PRKAR1A: variants seen among roughly 807,000 people sequenced by gnomAD.
PRKAR1A encodes the protein protein kinase cAMP-dependent type I regulatory subunit alpha, also known as cAMP-dependent protein kinase type I-alpha regulatory subunit.
Under a neutral mutation model 52.0 loss-of-function variants are expected in PRKAR1A, and 3 were observed. The observed-to-expected ratio is 0.06, with a 90% CI of 0.03 to 0.15. The LOEUF (loss-of-function observed/expected upper bound fraction) is 0.15, where lower values mean the gene tolerates loss of function less well. Among genes scored for constraint, PRKAR1A ranks in the 10% least tolerant of loss-of-function variants. PRKAR1A has a pLI of 1.00. For missense variants in PRKAR1A, 240 were observed against 477.4 expected (o/e 0.50, Z 4.63); for synonymous variants, 188 against 168.4 (o/e 1.12, Z -0.90).
chr17:68,548,328 G>A (rs151277877), intron 11 of PRKAR1A, among the ~76,000 whole-genome samples: 5,391 of 152,170 alleles, frequency 0.035, 335 homozygotes, highest in African/African-American at 0.12. Context: ...TCGAGAGTTC[G>A]AGACCAGCCT....
intron 11 of PRKAR1A, among the ~76,000 whole-genome samples, chr17:68,546,613 G>A (rs748352860): frequency 1.3e-5 from 2 of 151,966 alleles, no homozygotes; most frequent in African/African-American, 4.8e-5. Flanking sequence ...GGCGGATCAC[G>A]AGGTCAGGAG....
chr17:68,428,593 G>C, the PRKAR1A span: 1 of 454,772 alleles, frequency 2.2e-6, no homozygotes, highest in South Asian at 2.2e-5. Flanking sequence ...CATAGGCTGA[G>C]GGGGAGACCA....
At chr17:68,437,983 G>A in the PRKAR1A span, among the ~76,000 whole-genome samples, 8 of 107,028 alleles carry the variant, frequency 7.5e-5, no homozygotes, top group Non-Finnish European at 1.5e-4. Context: ...AGTGACTGGC[G>A]TCTATTACAA....
chr17:68,453,479 CTT>C, the PRKAR1A span, among the ~76,000 whole-genome samples: 22 of 136,136 alleles, frequency 1.6e-4, no homozygotes, highest in Admixed American at 2.9e-4. Context: ...TTTTCTTTTC[CTT>C]TTTTTTTTTT....
At chr17:68,430,521 T>C in the PRKAR1A span, among the ~76,000 whole-genome samples, 4 of 152,124 alleles carry the variant, frequency 2.6e-5, no homozygotes, top group Non-Finnish European at 5.9e-5. Flanking sequence ...TTAAATAAGC[T>C]TGGGACTGTG....
chr17:68,449,992 T>C, the PRKAR1A span, among the ~76,000 whole-genome samples: 9 of 152,028 alleles, frequency 5.9e-5, no homozygotes, highest in East Asian at 1.5e-3. Context: ...GCCTGGGCAA[T>C]AGGGCAAGAC....
the PRKAR1A span, among the ~76,000 whole-genome samples, chr17:68,419,941 GA>G: frequency 6.6e-6 from 1 of 152,052 alleles, no homozygotes; most frequent in African/African-American, 2.4e-5. Context: ...CCTGGGCAAC[GA>G]AGCCAGACCC....
upstream of PRKAR1A, among the ~76,000 whole-genome samples, chr17:68,507,865 T>C (rs1371709092): frequency 6.6e-6 from 1 of 152,254 alleles, no homozygotes; most frequent in Non-Finnish European, 1.5e-5. Context: ...ATATCTGGAC[T>C]TCACTGAATA....
chr17:68,514,760 A>G (rs2085376516), intron 1 of PRKAR1A: 1 of 152,450 alleles, frequency 6.6e-6, no homozygotes, highest in Non-Finnish European at 1.5e-5. Flanking sequence ...CTAGTGTATT[A>G]TCATTTAGGG....
the PRKAR1A span, among the ~76,000 whole-genome samples, chr17:68,470,150 T>G: frequency 6.6e-6 from 1 of 151,498 alleles, no homozygotes; most frequent in African/African-American, 2.4e-5. Flanking sequence ...TTGCGTGACC[T>G]CGGCTCACTG....
At chr17:68,506,241 A>G in the PRKAR1A span, among the ~76,000 whole-genome samples, 2 of 150,320 alleles carry the variant, frequency 1.3e-5, no homozygotes, top group Admixed American at 1.3e-4. Context: ...TCCTTAGGCC[A>G]TCTTGAAAAA....
chr17:68,465,831 G>A, the PRKAR1A span, among the ~76,000 whole-genome samples: 1 of 151,918 alleles, frequency 6.6e-6, no homozygotes, highest in African/African-American at 2.4e-5. Flanking sequence ...AAGCAGACTT[G>A]CATCTTAGAA....
At chr17:68,435,099 C>G in the PRKAR1A span, among the ~76,000 whole-genome samples, 1 of 151,506 alleles carries the variant, frequency 6.6e-6, no homozygotes, top group Non-Finnish European at 1.5e-5. Flanking sequence ...CTCAGCTACT[C>G]GGGAGGCTGA....
the PRKAR1A span, chr17:68,428,761 C>T: frequency 1.6e-6 from 2 of 1,265,370 alleles, no homozygotes; most frequent in Non-Finnish European, 2.3e-6. Context: ...GCTTGTCGTT[C>T]TTGGCGAAGG....
chr17:68,547,887 T>G (rs558261334), intron 11 of PRKAR1A, among the ~76,000 whole-genome samples: 32 of 152,386 alleles, frequency 2.1e-4, no homozygotes, highest in South Asian at 1.2e-3. Context: ...TTTTGGCTTA[T>G]TGGCTTTCAA....
At chr17:68,424,489 A>C in the PRKAR1A span, 1 of 534,708 alleles carries the variant, frequency 1.9e-6, no homozygotes, top group Admixed American at 1.9e-5. Context: ...GATCAGGAGA[A>C]GTTTCCATAA....
At chr17:68,484,401 A>T in the PRKAR1A span, among the ~76,000 whole-genome samples, 1 of 150,332 alleles carries the variant, frequency 6.7e-6, no homozygotes, top group Non-Finnish European at 1.5e-5. Flanking sequence ...AATTCAATTA[A>T]TTTTTTTATT....
At chr17:68,502,914 G>A in the PRKAR1A span, among the ~76,000 whole-genome samples, 1 of 152,118 alleles carries the variant, frequency 6.6e-6, no homozygotes, top group East Asian at 1.9e-4. Flanking sequence ...AATCGAGCTG[G>A]ACTTGATCAT....
chr17:68,536,547 A>G (rs1377847592), downstream of PRKAR1A: 21 of 453,928 alleles, frequency 4.6e-5, no homozygotes, highest in Admixed American at 4.0e-4. Context: ...AGGGGCATCT[A>G]GAGGGCCTCA....
Sources: allele counts gnomAD v4.1 joint callset (sites outside exome capture counted in the v4.1 genomes callset), GRCh38; gene constraint gnomAD v4.1.1; transcripts MANE v1.5; gene names NCBI Gene and HGNC (gene_info 2026-07-23, HGNC 2026-07-21).